APBA1: variants seen among roughly 807,000 people sequenced by gnomAD.
The protein encoded by APBA1 is amyloid beta precursor protein binding family A member 1.
In APBA1, 55 loss-of-function variants were observed where a neutral mutation model predicts 86.6. That is an observed-to-expected ratio of 0.64 (90% CI 0.51 to 0.80). The LOEUF is 0.80. APBA1 is among the 30% of genes least tolerant of loss of function. APBA1 has a pLI of 0.00. For synonymous variants in APBA1, 511 were observed against 493.9 expected, an observed-to-expected ratio of 1.03 and a Z score of -0.46; for missense variants, 1,090 against 1,183.0, an observed-to-expected ratio of 0.92 and a Z score of 1.15.
At chr9:69,590,783 G>T (rs540364939) in intron 1 of APBA1, among the ~76,000 whole-genome samples, 3 of 152,178 alleles carry the variant, frequency 2.0e-5, no homozygotes, top group Non-Finnish European at 4.4e-5. Flanking sequence ...CTTCGCCAGG[G>T]TGGGGGTGGG....
intron 1 of APBA1, among the ~76,000 whole-genome samples, chr9:69,580,383 G>A (rs553783167): frequency 6.6e-6 from 1 of 152,260 alleles, no homozygotes; most frequent in African/African-American, 2.4e-5. Context: ...TTCATATTGA[G>A]CAGAGCTTCA....
Position 69,487,324 on chromosome 9 carries a change from A to C in APBA1, c.1201-11181T>G, listed in dbSNP as rs545819091. On this transcript the variant is annotated intron_variant, in intron 2 of 12. Coordinates refer to ENST00000265381, the MANE Select transcript of APBA1 (RefSeq NM_001163.4). ...TAAACCCAGATCCCTGCCTCCCCCC[A>C]AAAATGCCTGGTCTTTCAGGGGAGA... 3.3e-5 allele frequency among the ~76,000 whole-genome samples: 5 copies of C among 152,200 alleles called. No individual in the cohort carries two copies. In the South Asian group the frequency reaches 8.3e-4, roughly 25 times the overall value.
intron 3 of APBA1, 36 bp from the exon 4 acceptor site, chr9:69,471,731 A>G: frequency 1.9e-6 from 3 of 1,568,828 alleles, no homozygotes; most frequent in South Asian, 2.2e-5. Flanking sequence ...AAAAGAGCAA[A>G]GCATAATGAA....
At chr9:69,467,994 G>A in intron 4 of APBA1, 26 bp from the exon 5 acceptor site, 1 of 1,609,674 alleles carries the variant, frequency 6.2e-7, no homozygotes. Context: ...CCACAGTGAG[G>A]AAGCCATCCT....
rs772408859 is a variant in APBA1, at chr9:69,516,740, G to T, written c.471C>A (p.His157Gln). Residue 157 changes from histidine (H) to glutamine (Q), a missense_variant, in exon 2 of 13, where the codon CAC becomes CAA. By Grantham distance (24) the His-to-Gln change is conservative. Transcript: ENST00000265381. The surrounding 1 kb of genome is among the most constrained non-coding windows in gnomAD (Gnocchi z 7.3). Reference sequence around the variant, plus strand: ...AGTAGGCCGCATTCATGGCTTCCTCGTGCTCCAGCGAGTGGAAGTGCAGGT... The same window carrying T: ...AGTAGGCCGCATTCATGGCTTCCTCTTGCTCCAGCGAGTGGAAGTGCAGGT... Reference protein sequence around the residue: ...PNHLHFHSLEHEEAMNAAYSG... With the variant: ...PNHLHFHSLEQEEAMNAAYSG... 6.2e-7 allele frequency: 1 copy of T among 1,612,058 alleles called. No homozygotes were observed. The highest frequency in any genetic ancestry group is 1.1e-5 in the South Asian group (1 of 90,910).
chr9:69,476,169 G>C (rs1242510680), intron 2 of APBA1, 26 bp from the exon 3 acceptor site: 2 of 1,565,296 alleles, frequency 1.3e-6, no homozygotes, highest in Admixed American at 1.7e-5. Flanking sequence ...AGGAAACACA[G>C]TGAGAACTTG....
intron 1 of APBA1, among the ~76,000 whole-genome samples, chr9:69,643,614 A>T (rs974100548): frequency 3.0e-4 from 46 of 152,274 alleles, no homozygotes; most frequent in African/African-American, 1.0e-3. Context: ...AACACGGCCC[A>T]TGCAGCCCAG....
chr9:69,503,064 T>G (rs1389881946), intron 2 of APBA1, among the ~76,000 whole-genome samples: 3 of 152,154 alleles, frequency 2.0e-5, no homozygotes, highest in Middle Eastern at 3.2e-3. Flanking sequence ...AATTAAAAAC[T>G]TAGTGCACTC....
intron 1 of APBA1, among the ~76,000 whole-genome samples, chr9:69,529,824 C>T (rs1430500595): frequency 6.6e-6 from 1 of 152,018 alleles, no homozygotes; most frequent in East Asian, 1.9e-4. Flanking sequence ...CCAGAATCCA[C>T]AAGGAACTCA....
chr9:69,599,316 T>G (rs186919298), intron 1 of APBA1, among the ~76,000 whole-genome samples: 1 of 152,346 alleles, frequency 6.6e-6, no homozygotes, highest in Non-Finnish European at 1.5e-5. Context: ...TTTTAGTCAT[T>G]GCCTTTAACA....
At chr9:69,450,802 A>G (rs1008380232) in intron 9 of APBA1, among the ~76,000 whole-genome samples, 5 of 152,094 alleles carry the variant, frequency 3.3e-5, no homozygotes, top group Admixed American at 2.6e-4. Flanking sequence ...AAGAAGAGGA[A>G]TGGTTGTCTG....
chr9:69,644,051 C>T (rs574924845), intron 1 of APBA1, among the ~76,000 whole-genome samples: 1 of 152,336 alleles, frequency 6.6e-6, no homozygotes, highest in South Asian at 2.1e-4. Context: ...TCCTTGACCA[C>T]TACAACCCGA....
At chr9:69,538,343 G>C (rs1836546616) in intron 1 of APBA1, among the ~76,000 whole-genome samples, 1 of 152,194 alleles carries the variant, frequency 6.6e-6, no homozygotes, top group Non-Finnish European at 1.5e-5. Context: ...AAACATCTTG[G>C]TGATATACCC....
In APBA1 at chr9:69,567,207, T is replaced by G. The variant is rs76837353; in HGVS notation, c.-69-49928A>C. Among the ~76,000 whole-genome samples the G allele has an allele frequency of 7.4e-4, 112 of 152,236 alleles. 3 individuals carry two copies. The East Asian group carries it at 0.018, about 25-fold the overall frequency. ...CATTTCCACACAGAAGAAACAATGC[T>G]AGAGCGAGCTCCTGAAAGATGGGCA... On this transcript the variant is annotated intron_variant, in intron 1 of 12. Transcript: ENST00000265381.
intron 1 of APBA1, among the ~76,000 whole-genome samples, chr9:69,657,464 A>C (rs1173919999): frequency 6.6e-6 from 1 of 152,212 alleles, no homozygotes; most frequent in Non-Finnish European, 1.5e-5. Flanking sequence ...CAGTTTATTG[A>C]CCTGTGTCTA....
chr9:69,547,749 C>T (rs1389447689), intron 1 of APBA1, among the ~76,000 whole-genome samples: 1 of 152,230 alleles, frequency 6.6e-6, no homozygotes, highest in Non-Finnish European at 1.5e-5. Flanking sequence ...AGTGCCATGA[C>T]TTCAAGGCTG....
At chr9:69,547,465 G>A (rs1345092160) in intron 1 of APBA1, among the ~76,000 whole-genome samples, 2 of 152,150 alleles carry the variant, frequency 1.3e-5, no homozygotes, top group African/African-American at 4.8e-5. Context: ...TCCTCAACCA[G>A]AAATGTGTCA....
chr9:69,498,271 G>A (rs1835830736), intron 2 of APBA1, among the ~76,000 whole-genome samples: 2 of 151,996 alleles, frequency 1.3e-5, no homozygotes, highest in South Asian at 4.1e-4. Context: ...GGACACCTCT[G>A]GCCAACAGTC....
chr9:69,630,558 G>A (rs1823021841), intron 1 of APBA1, among the ~76,000 whole-genome samples: 2 of 152,080 alleles, frequency 1.3e-5, no homozygotes, highest in African/African-American at 4.8e-5. Flanking sequence ...TTACCCTGAA[G>A]TTTACTCCAA....
Sources: gnomAD v4.1 joint callset for allele counts (sites outside exome capture counted in the v4.1 genomes callset) on GRCh38, gnomAD v4.1.1 for gene constraint, Gnocchi (gnomAD v3.1) non-coding constraint, MANE v1.5 for transcripts, NCBI Gene and HGNC (gene_info 2026-07-23, HGNC 2026-07-21) for gene names.